Variants in RNF152 observed in about 807,000 individuals in gnomAD.
RNF152 encodes the protein E3 ubiquitin-protein ligase RNF152.
In RNF152, 11 loss-of-function variants were observed where a neutral mutation model predicts 12.7. The observed-to-expected ratio is 0.86, with a 90% CI of 0.54 to 1.43. The LOEUF (loss-of-function observed/expected upper bound fraction) is 1.43. Ranked by LOEUF, RNF152 falls within the 40% of genes most tolerant of loss-of-function variation. The probability of loss-of-function intolerance (pLI) is 0.00; values close to 1 mark genes in which losing one functional copy is unlikely to be tolerated. For synonymous variants in RNF152, 113 were observed against 120.3 expected, an observed-to-expected ratio of 0.94 and a Z score of 0.40; for missense variants, 255 against 274.8, an observed-to-expected ratio of 0.93 and a Z score of 0.51.
intron 1 of RNF152, among the ~76,000 whole-genome samples, chr18:61,885,315 T>A (rs887237209): frequency 1.3e-5 from 2 of 151,942 alleles, no homozygotes; most frequent in Non-Finnish European, 2.9e-5. Context: ...GAGTGTTTTG[T>A]TTGTTTGTTT....
intron 1 of RNF152, among the ~76,000 whole-genome samples, chr18:61,863,389 C>T (rs556382199): frequency 2.1e-5 from 3 of 146,002 alleles, no homozygotes; most frequent in Non-Finnish European, 3.0e-5. Context: ...GAGCGGCGAT[C>T]GTGCCACCGC....
intron 1 of RNF152, among the ~76,000 whole-genome samples, chr18:61,885,509 T>G (rs1777487349): frequency 6.6e-6 from 1 of 152,158 alleles, no homozygotes; most frequent in Admixed American, 6.5e-5. Context: ...GATTTCACCA[T>G]GTTGGCCAGG....
intron 1 of RNF152, among the ~76,000 whole-genome samples, chr18:61,823,913 C>T (rs943708256): frequency 6.6e-6 from 1 of 152,206 alleles, no homozygotes; most frequent in Non-Finnish European, 1.5e-5. Flanking sequence ...TGCCAGGGGA[C>T]TCTGCTAGGG....
intron 1 of RNF152, among the ~76,000 whole-genome samples, chr18:61,842,019 C>A (rs1352325614): frequency 2.6e-5 from 4 of 152,156 alleles, no homozygotes; most frequent in Non-Finnish European, 4.4e-5. Flanking sequence ...GCATTTGACC[C>A]CAGGGCTATA....
chr18:61,868,825 A>G (rs1435105098), intron 1 of RNF152, among the ~76,000 whole-genome samples: 1 of 152,234 alleles, frequency 6.6e-6, no homozygotes, highest in Non-Finnish European at 1.5e-5. Flanking sequence ...TGGCAGAAAG[A>G]CAGAGCAGGG....
intron 1 of RNF152, among the ~76,000 whole-genome samples, chr18:61,862,847 C>A (rs533731864): frequency 6.6e-6 from 1 of 152,232 alleles, no homozygotes; most frequent in African/African-American, 2.4e-5. Flanking sequence ...CCAGACTTAT[C>A]ATTGGTGTGT....
chr18:61,850,205 C>T (rs1393149556), intron 1 of RNF152, among the ~76,000 whole-genome samples: 1 of 152,226 alleles, frequency 6.6e-6, no homozygotes, highest in East Asian at 1.9e-4. Context: ...CCTTGTTATT[C>T]TTCAATGCCC....
intron 1 of RNF152, among the ~76,000 whole-genome samples, chr18:61,829,047 G>A (rs907624955): frequency 1.3e-5 from 2 of 152,168 alleles, no homozygotes; most frequent in South Asian, 2.1e-4. Context: ...CCAAGACGAG[G>A]GGAGGCAGTG....
chr18:61,856,418 G>A (rs1282813623), intron 1 of RNF152, among the ~76,000 whole-genome samples: 1 of 152,154 alleles, frequency 6.6e-6, no homozygotes, highest in Non-Finnish European at 1.5e-5. Context: ...GGCAGCTCTA[G>A]CACTCAGCAC....
chr18:61,809,555 T>G lies in RNF152; in HGVS notation c.*6297A>C, dbSNP rs1912857943. The G allele has an allele frequency of 6.6e-6, 1 of 152,136 alleles. No individual in the cohort carries two copies. The highest frequency in any genetic ancestry group is 1.5e-5 in the Non-Finnish European group (1 of 68,028). 9.4% of individuals were successfully genotyped at this position (152,136 alleles called of 1,614,324 possible). A position where few individuals can be genotyped will look rare whatever the true frequency, so the allele number is the denominator to read the frequency against. ...ACCCCAAGGAGATTACAGAAGACTT[T>G]CACATGGGCTACTAGCCCTACATCC... On this transcript the variant is annotated 3_prime_UTR_variant, in exon 2 of 2. Transcript: ENST00000312828.
Position 61,881,670 on chromosome 18 carries a change from G to C in RNF152, c.-136+11125C>G, listed in dbSNP as rs1306188527. ...TTATCACTGTCTTCCTAATTTATAA[G>C]GAATTCTAAATTATCTAGATGGCAT... On this transcript the variant is annotated intron_variant, in intron 1 of 1. Coordinates refer to ENST00000312828, the MANE Select transcript of RNF152 (RefSeq NM_173557.3). Among the ~76,000 whole-genome samples, 4 of 152,212 alleles carry C rather than the reference G, an allele frequency of 2.6e-5. No individual in the cohort carries two copies. The East Asian group carries it at 7.7e-4, about 29-fold the overall frequency.
At chr18:61,882,795 C>G (rs1384778254) in intron 1 of RNF152, among the ~76,000 whole-genome samples, 1 of 152,120 alleles carries the variant, frequency 6.6e-6, no homozygotes, top group Non-Finnish European at 1.5e-5. Flanking sequence ...CTTGGTATTA[C>G]AGACTCATCA....
At chr18:61,870,002 T>C (rs953732257) in intron 1 of RNF152, among the ~76,000 whole-genome samples, 48 of 152,258 alleles carry the variant, frequency 3.2e-4, no homozygotes, top group African/African-American at 1.1e-3. Flanking sequence ...TTGTTGACTC[T>C]GATTTTTATC....
rs552091117 is a variant in RNF152, at chr18:61,830,025, C to CTTT, written c.-135-13430_-135-13428dup. 1.7e-3 allele frequency among the ~76,000 whole-genome samples: 241 copies of CTTT among 143,308 alleles called. 3 individuals carry two copies. Among genetic ancestry groups the CTTT allele is most frequent in the Middle Eastern group, 3.6e-3 (1 of 274 alleles). The allele number at this position is 143,308 out of a possible 152,430, so 94.0% of individuals were successfully genotyped here. On this transcript the variant is annotated intron_variant, in intron 1 of 1. Transcript: ENST00000312828. ...GTCCCCATCTATTTCCAGAGAGCTT[C>CTTT]TTTTTTTTTTTTTTGAGACAGAGTC...
At chr18:61,868,568 T>C (rs917994258) in intron 1 of RNF152, among the ~76,000 whole-genome samples, 1 of 152,144 alleles carries the variant, frequency 6.6e-6, no homozygotes, top group Non-Finnish European at 1.5e-5. Flanking sequence ...CCGGGCGTCA[T>C]GGCAGGCACC....
chr18:61,817,340 C>T (rs1351525003), intron 1 of RNF152, among the ~76,000 whole-genome samples: 1 of 152,196 alleles, frequency 6.6e-6, no homozygotes, highest in Non-Finnish European at 1.5e-5. Flanking sequence ...CTTTTTGTTT[C>T]ATTACTACTT....
At chr18:61,875,327 T>A (rs1201409234) in intron 1 of RNF152, among the ~76,000 whole-genome samples, 1 of 152,240 alleles carries the variant, frequency 6.6e-6, no homozygotes, top group Non-Finnish European at 1.5e-5. Flanking sequence ...TAAATCCAGT[T>A]GAAATCATAA....
chr18:61,890,826 A>T (rs1912923352), intron 1 of RNF152, among the ~76,000 whole-genome samples: 2 of 152,210 alleles, frequency 1.3e-5, no homozygotes, highest in South Asian at 4.1e-4. Context: ...CAATGTAAGG[A>T]CCGAACTGTA....
At chr18:61,840,094 A>G (rs28675903) in intron 1 of RNF152, among the ~76,000 whole-genome samples, 13,095 of 152,034 alleles carry the variant, frequency 0.086, 691 homozygotes, top group African/African-American at 0.14. Flanking sequence ...ACAGCTAGAA[A>G]ATAAATGTAA....
Sources: allele counts gnomAD v4.1 joint callset (sites outside exome capture counted in the v4.1 genomes callset), GRCh38; gene constraint gnomAD v4.1.1; transcripts MANE v1.5; gene names NCBI Gene and HGNC (gene_info 2026-07-23, HGNC 2026-07-21).